Variants in PPP2R1A observed in about 807,000 individuals in gnomAD.
PPP2R1A encodes the protein serine/threonine-protein phosphatase 2A 65 kDa regulatory subunit A alpha isoform.
PPP2R1A carries 15 observed loss-of-function variants against 67.1 expected under a neutral mutation model. That is an observed-to-expected ratio of 0.22 (90% confidence interval 0.15 to 0.34). PPP2R1A has a LOEUF of 0.34. Ranked by LOEUF, PPP2R1A falls within the 10% of genes least tolerant of loss-of-function variation. The pLI is 1.00. For synonymous variants in PPP2R1A, 337 were observed against 325.0 expected (o/e 1.04, Z -0.40); for missense variants, 369 against 775.0 (o/e 0.48, Z 6.22).
Position 52,227,376 on chromosome 19 carries a change from G to A in PPP2R1A, c.*1395G>A, listed in dbSNP as rs1039152444. ...CAAGAGAGAAGGAGCCTGCCTCCCC[G>A]AGGCTGTGAAGAGCCATGCCAGTAC... is the stretch of plus-strand genomic sequence containing the variant. On this transcript the variant is annotated 3_prime_UTR_variant, in exon 15 of 15. Transcript: ENST00000322088. 2 of 152,160 alleles carry A rather than the reference G, an allele frequency of 1.3e-5. No individual in the cohort carries two copies. The highest frequency in any genetic ancestry group is 2.4e-5 in the African/African-American group (1 of 41,414). The allele number at this position is 152,160 out of a possible 1,614,324, so 9.4% of individuals were successfully genotyped here.
intron 9 of PPP2R1A, among the ~76,000 whole-genome samples, chr19:52,218,881 C>T (rs4458121): frequency 0.15 from 23,264 of 152,154 alleles, 2,176 homozygotes; most frequent in African/African-American, 0.27. Flanking sequence ...CAGCCTGTCT[C>T]AGGGCAGCTT....
intron 11 of PPP2R1A, 50 bp from the exon 12 acceptor site, chr19:52,220,929 C>G (rs369500114): frequency 6.2e-7 from 1 of 1,600,932 alleles, no homozygotes; most frequent in Non-Finnish European, 8.5e-7. Context: ...TTGCCCACAT[C>G]AGTTCTTCAC....
Position 52,219,850 on chromosome 19 carries a change from C to G in PPP2R1A, c.1288C>G (p.Leu430Val). ...GGCCATCATTGAGTACATGCCCCTC[C>G]TGGCTGGACAGCTGGTGAGTGAGGA... is the stretch of plus-strand genomic sequence containing the variant. ...RLAIIEYMPL[L>V]AGQLGVEFFD... is the part of the protein sequence containing the mutation. Residue 430 changes from leucine to valine, a missense_variant, in exon 10 of 15, where the codon CTG becomes GTG. Physicochemically the swap from Leu to Val is conservative, Grantham distance 32. This residue lies in a region of PPP2R1A where 276 missense variants were observed against 508.4 expected (regional missense o/e 0.54). Coordinates refer to ENST00000322088, the MANE Select transcript of PPP2R1A (RefSeq NM_014225.6). The surrounding 1 kb of genome is among the most constrained non-coding windows in gnomAD (Gnocchi z 4.0). 6.2e-7 allele frequency: 1 copy of G among 1,611,360 alleles called. No individual in the cohort carries two copies. The highest frequency in any genetic ancestry group is 8.5e-7 in the Non-Finnish European group (1 of 1,179,524).
At position 52,219,592 on chromosome 19, in the gene PPP2R1A, G is replaced by C; in HGVS notation, c.1129-99G>C. On this transcript the variant is annotated intron_variant, in intron 9 of 14. Coordinates refer to ENST00000322088, the MANE Select transcript of PPP2R1A (RefSeq NM_014225.6). The surrounding 1 kb of genome is among the most constrained non-coding windows in gnomAD (Gnocchi z 4.0). The stretch of plus-strand genomic sequence containing the variant: ...GGCTTGGACAGGAGTAGTCCCTCGG[G>C]AGATGTCCATAAAAGTTGATGCAGC... The C allele has an allele frequency of 7.8e-7, 1 of 1,278,340 alleles. No individual in the cohort carries two copies. The highest frequency in any genetic ancestry group is 1.4e-5 in the South Asian group (1 of 69,268). The allele number at this position is 1,278,340 out of a possible 1,614,324, so 79.2% of individuals were successfully genotyped here.
chr19:52,226,111 C>G lies in PPP2R1A; in HGVS notation c.*130C>G, dbSNP rs569551189. On this transcript the variant is annotated 3_prime_UTR_variant, in exon 15 of 15. Coordinates refer to ENST00000322088, the MANE Select transcript of PPP2R1A (RefSeq NM_014225.6). ...ATGGTCTGACCCCAGGCCCCTTCCCCCAGCACGGTTCCTCCTCTCCCCAGC... is the reference window on the plus strand; with the variant it reads ...ATGGTCTGACCCCAGGCCCCTTCCCGCAGCACGGTTCCTCCTCTCCCCAGC... The G allele has an allele frequency of 1.4e-5, 20 of 1,401,212 alleles. 2 individuals carry two copies. The Middle Eastern group carries it at 1.3e-3, about 89-fold the overall frequency. 86.8% of individuals were successfully genotyped at this position (1,401,212 alleles called of 1,614,324 possible).
Position 52,226,757 on chromosome 19 carries a change from T to C in PPP2R1A, c.*776T>C, listed in dbSNP as rs1301359714. 1 of 156,482 alleles carries C rather than the reference T, an allele frequency of 6.4e-6. No individual in the cohort carries two copies. 9.7% of individuals were successfully genotyped at this position (156,482 alleles called of 1,614,324 possible). On this transcript the variant is annotated 3_prime_UTR_variant, in exon 15 of 15. Transcript: ENST00000322088. ...TGACTAGGAGTAGCTTGTTAAGTCTTTATGAGCTCAGTTTTGTATTGTGTA... is the reference window on the plus strand; with the variant it reads ...TGACTAGGAGTAGCTTGTTAAGTCTCTATGAGCTCAGTTTTGTATTGTGTA...
intron 1 of PPP2R1A, among the ~76,000 whole-genome samples, chr19:52,193,656 G>A (rs547865903): frequency 1.3e-5 from 2 of 152,056 alleles, no homozygotes; most frequent in Admixed American, 6.5e-5. Flanking sequence ...TGCAACCTCC[G>A]CCTCCCGGGT....
Position 52,226,912 on chromosome 19 carries a change from T to C in PPP2R1A, c.*931T>C, listed in dbSNP as rs1250843389. The C allele has an allele frequency of 6.6e-6, 1 of 152,144 alleles. No individual in the cohort carries two copies. The highest frequency in any genetic ancestry group is 1.5e-5 in the Non-Finnish European group (1 of 68,032). The allele number at this position is 152,144 out of a possible 1,614,324, so 9.4% of individuals were successfully genotyped here. A position where few individuals can be genotyped will look rare whatever the true frequency, so the allele number is the denominator to read the frequency against. On this transcript the variant is annotated 3_prime_UTR_variant, in exon 15 of 15. Transcript: ENST00000322088. ...ATGAGAAGCAGAGTTAGCTGTACAT[T>C]GCCAGAGAACCCCCTGTGGGCCATT...
chr19:52,221,016 G>A lies in PPP2R1A; in HGVS notation c.1401G>A (p.Lys467=), dbSNP rs1978890806. The change falls in exon 12 of 15, where the codon AAG becomes AAA. Residue 467 remains lysine, a synonymous_variant. Transcript: ENST00000322088. The part of the protein sequence containing the change: ...AIREAATSNL[K]KLVEKFGKEW... ...GCGAGGCAGCCACCAGCAACCTGAA[G>A]AAGCTAGTGGAAAAGTTTGGGAAGG... The A allele has an allele frequency of 6.2e-7, 1 of 1,614,080 alleles. No individual in the cohort carries two copies. The highest frequency in any genetic ancestry group is 1.3e-5 in the African/African-American group (1 of 74,942).
At chr19:52,215,731 T>C (rs1978526374) in intron 6 of PPP2R1A, 48 bp from the exon 7 acceptor site, 1 of 1,536,498 alleles carries the variant, frequency 6.5e-7, no homozygotes, top group African/African-American at 1.4e-5. Context: ...TAGCCCAGAG[T>C]AAACTGCCAG....
chr19:52,195,925 CTCCGATCCCTGGAGGTTG>C (rs2089493130), intron 1 of PPP2R1A, among the ~76,000 whole-genome samples: 1 of 152,184 alleles, frequency 6.6e-6, no homozygotes, highest in African/African-American at 2.4e-5. Context: ...TTCAGCCCCT[CTCCGATCCCTGGAGGTTG>C]TGGGGTGGGA....
intron 1 of PPP2R1A, among the ~76,000 whole-genome samples, chr19:52,190,755 A>G (rs2122270637): frequency 6.6e-6 from 1 of 152,286 alleles, no homozygotes; most frequent in South Asian, 2.1e-4. Flanking sequence ...GGACTAGCCA[A>G]GTTTAGGAGC....
chr19:52,195,374 A>C (rs2089488833), intron 1 of PPP2R1A, among the ~76,000 whole-genome samples: 1 of 152,200 alleles, frequency 6.6e-6, no homozygotes, highest in Non-Finnish European at 1.5e-5. Context: ...ACACAGAAGA[A>C]GACTTCCGTG....
chr19:52,214,977 C>T (rs1453454253), intron 6 of PPP2R1A, among the ~76,000 whole-genome samples: 2 of 152,282 alleles, frequency 1.3e-5, no homozygotes, highest in East Asian at 1.9e-4. Flanking sequence ...CCACCCACCT[C>T]TGTCTCCCAA....
intron 13 of PPP2R1A, among the ~76,000 whole-genome samples, chr19:52,225,408 A>C (rs762326754): frequency 1.1e-4 from 17 of 152,232 alleles, no homozygotes; most frequent in Non-Finnish European, 2.4e-4. Flanking sequence ...TGTAATGATC[A>C]AATTAGGATA....
chr19:52,194,551 CA>C (rs1318145694), intron 1 of PPP2R1A, among the ~76,000 whole-genome samples: 1 of 152,012 alleles, frequency 6.6e-6, no homozygotes, highest in African/African-American at 2.4e-5. Flanking sequence ...CATTACAAAG[CA>C]CCCAGGACCA....
chr19:52,210,484 C>CTTTTTTTTTTT (rs112983236), intron 3 of PPP2R1A, among the ~76,000 whole-genome samples: 4 of 126,968 alleles, frequency 3.2e-5, no homozygotes, highest in Non-Finnish European at 4.9e-5. Context: ...GTTTTCTCTT[C>CTTTTTTTTTTT]TTTTTTTTTT....
chr19:52,194,693 G>A (rs1435134958), intron 1 of PPP2R1A, among the ~76,000 whole-genome samples: 1 of 152,170 alleles, frequency 6.6e-6, no homozygotes, highest in East Asian at 1.9e-4. Context: ...TCTGCCAGTT[G>A]TGCTCTCTGT....
chr19:52,203,641 T>G (rs1423707519), intron 2 of PPP2R1A, among the ~76,000 whole-genome samples: 2 of 151,840 alleles, frequency 1.3e-5, no homozygotes, highest in Non-Finnish European at 2.9e-5. Flanking sequence ...TATGTCTGGG[T>G]TTTTTTCCCC....
Sources: allele counts gnomAD v4.1 joint callset (sites outside exome capture counted in the v4.1 genomes callset), GRCh38; gene constraint gnomAD v4.1.1; regional missense constraint gnomAD v4.1.1; non-coding constraint Gnocchi (gnomAD v3.1); transcripts MANE v1.5; gene names NCBI Gene and HGNC (gene_info 2026-07-23, HGNC 2026-07-21).